TMEM164: variants seen among roughly 807,000 people sequenced by gnomAD.
The protein encoded by TMEM164 is RP13-360B22.2.
Under a neutral mutation model 18.8 loss-of-function variants are expected in TMEM164, and 4 were observed. That is an observed-to-expected ratio of 0.21 (90% CI 0.10 to 0.49). The LOEUF is 0.49. TMEM164 is among the 20% of genes least tolerant of loss of function. The pLI is 0.98. For synonymous variants in TMEM164, 86 were observed against 101.7 expected, an observed-to-expected ratio of 0.85 and a Z score of 0.93; for missense variants, 108 against 239.9, an observed-to-expected ratio of 0.45 and a Z score of 3.63.
rs1454087600 is a variant in TMEM164, at chrX:110,109,137, C to T, written c.498C>T (p.Asn166=). 2.5e-6 allele frequency: 3 copies of T among 1,210,215 alleles called. No homozygotes were observed. The highest frequency in any genetic ancestry group is 5.9e-5 in the East Asian group (2 of 33,836). The change falls in exon 4 of 7, where the codon AAC becomes AAT. Residue 166 remains asparagine (N), a synonymous_variant. Transcript: ENST00000372068. ...TGGCATTGCTGTTTCCTGTGGTAAA[C>T]ACTCGGCTGGTAAGTAGCCTCTTCT... ...ALLALLFPVV[N]TRLLPFELEI...
At chrX:110,059,241 TC>T (rs922044534) in intron 2 of TMEM164, among the ~76,000 whole-genome samples, 3 of 111,576 alleles carry the variant, frequency 2.7e-5, no homozygotes, top group Non-Finnish European at 5.6e-5. Flanking sequence ...AAGAGACTGT[TC>T]TTTCTACCAT....
intron 2 of TMEM164, among the ~76,000 whole-genome samples, chrX:110,022,700 A>C (rs780320561): frequency 8.0e-4 from 90 of 112,244 alleles, no homozygotes; most frequent in Non-Finnish European, 1.1e-3. Context: ...ACATGTATTA[A>C]GCAATTACTC....
chrX:110,038,998 A>G (rs1934974502), intron 2 of TMEM164, among the ~76,000 whole-genome samples: 1 of 112,048 alleles, frequency 8.9e-6, no homozygotes, highest in African/African-American at 3.2e-5. Flanking sequence ...CTGGAATCAG[A>G]CACTAGTGGA....
intron 2 of TMEM164, chrX:110,020,786 G>T: frequency 3.6e-6 from 2 of 550,180 alleles, no homozygotes; most frequent in South Asian, 1.9e-4. Context: ...TGGCATCAGT[G>T]TTGGTGGATA....
intron 2 of TMEM164, among the ~76,000 whole-genome samples, chrX:110,020,912 A>G (rs1037867027): frequency 5.0e-5 from 5 of 100,501 alleles, no homozygotes; most frequent in African/African-American, 1.8e-4. Flanking sequence ...TTCACAATGT[A>G]TTGCTAAAAT....
At chrX:110,156,178 G>A (rs767198208) in intron 5 of TMEM164, among the ~76,000 whole-genome samples, 8 of 111,989 alleles carry the variant, frequency 7.1e-5, no homozygotes, top group Non-Finnish European at 1.3e-4. Context: ...GGCAAACTTC[G>A]TGTGTTCCTT....
chrX:110,069,495 T>G (rs2147857300), intron 3 of TMEM164, among the ~76,000 whole-genome samples: 1 of 111,538 alleles, frequency 9.0e-6, no homozygotes, highest in African/African-American at 3.2e-5. Context: ...CTAAGACCTC[T>G]TTGTATATTT....
chrX:110,091,033 G>A (rs1190388039), intron 3 of TMEM164, among the ~76,000 whole-genome samples: 1 of 111,405 alleles, frequency 9.0e-6, no homozygotes, highest in Non-Finnish European at 1.9e-5. Flanking sequence ...CAAAGGACAT[G>A]AACTCATCCT....
chrX:110,150,650 GT>G (rs775089279), intron 5 of TMEM164, among the ~76,000 whole-genome samples: 5 of 111,910 alleles, frequency 4.5e-5, no homozygotes, highest in African/African-American at 1.6e-4. Context: ...CCCAGAGTTT[GT>G]TTTTTTGCAT....
At chrX:110,069,531 CATT>C (rs2065551435) in intron 3 of TMEM164, among the ~76,000 whole-genome samples, 2 of 105,939 alleles carry the variant, frequency 1.9e-5, no homozygotes, top group South Asian at 4.0e-4. Context: ...TGTCTATCAT[CATT>C]GTTACAGATA....
At chrX:110,132,231 G>A (rs1437216574) in intron 4 of TMEM164, among the ~76,000 whole-genome samples, 1 of 111,771 alleles carries the variant, frequency 8.9e-6, no homozygotes, top group Non-Finnish European at 1.9e-5. Flanking sequence ...CTCATTTCAT[G>A]CTGCACCATT....
chrX:110,094,118 A>G (rs893698848), intron 3 of TMEM164, among the ~76,000 whole-genome samples: 6 of 111,828 alleles, frequency 5.4e-5, no homozygotes, highest in Non-Finnish European at 7.5e-5. Context: ...TATGTGGTCA[A>G]TTTTGGAATA....
At chrX:110,142,374 C>T (rs2066782786) in intron 4 of TMEM164, among the ~76,000 whole-genome samples, 3 of 112,089 alleles carry the variant, frequency 2.7e-5, no homozygotes, top group Non-Finnish European at 5.6e-5. Flanking sequence ...GTCAGTCGGC[C>T]TTCTGTGGGA....
intron 2 of TMEM164, among the ~76,000 whole-genome samples, chrX:110,025,435 C>T (rs960012864): frequency 4.5e-5 from 5 of 111,751 alleles, no homozygotes; most frequent in Non-Finnish European, 9.4e-5. Context: ...CATCAAAACC[C>T]AAGCTGCACA....
Position 110,090,241 on chromosome X carries a change from C to CA in TMEM164, c.441-18837dup, listed in dbSNP as rs1459466189. 1.3e-4 allele frequency among the ~76,000 whole-genome samples: 14 copies of CA among 110,312 alleles called. No individual in the cohort carries two copies. In the Admixed American group the frequency reaches 1.4e-3, roughly 11 times the overall value. On this transcript the variant is annotated intron_variant, in intron 3 of 6. Transcript: ENST00000372068. ...CTTTGTGTCCGCAGGCAAAGCCAGCCAAGCCCCCCTGTTCTACTTATCTTT... is the reference window on the plus strand; with the variant it reads ...CTTTGTGTCCGCAGGCAAAGCCAGCCAAAGCCCCCCTGTTCTACTTATCTTT...
At chrX:110,137,019 T>C (rs974866794) in intron 4 of TMEM164, among the ~76,000 whole-genome samples, 3 of 112,088 alleles carry the variant, frequency 2.7e-5, no homozygotes, top group Non-Finnish European at 5.6e-5. Context: ...GTGAAGAAAA[T>C]GTTAGATTTC....
downstream of TMEM164, among the ~76,000 whole-genome samples, chrX:110,179,851 CA>C (rs2067316686): frequency 8.9e-6 from 1 of 112,244 alleles, no homozygotes; most frequent in Non-Finnish European, 1.9e-5. Context: ...GCTCCGTGAA[CA>C]AGGATCTTAC....
At chrX:110,031,863 TTTATTA>T (rs748162064) in intron 2 of TMEM164, among the ~76,000 whole-genome samples, 1 of 108,683 alleles carries the variant, frequency 9.2e-6, no homozygotes, top group African/African-American at 3.4e-5. Flanking sequence ...TTTTTTTCTT[TTTATTA>T]TTATTATTAT....
intron 2 of TMEM164, among the ~76,000 whole-genome samples, chrX:110,051,159 C>T (rs1304392089): frequency 2.7e-5 from 3 of 111,289 alleles, no homozygotes; most frequent in Non-Finnish European, 5.6e-5. Flanking sequence ...AAAATGGTGA[C>T]TAAGGTCCCT....
Sources: allele counts gnomAD v4.1 joint callset (sites outside exome capture counted in the v4.1 genomes callset), GRCh38; gene constraint gnomAD v4.1.1; transcripts MANE v1.5; gene names NCBI Gene and HGNC (gene_info 2026-07-23, HGNC 2026-07-21).